The following DLL4 variants were observed in gnomAD, a reference collection of about 807,000 sequenced individuals.
DLL4 encodes delta like canonical Notch ligand 4, also known as delta-like protein 4.
DLL4 carries 7 observed loss-of-function variants against 73.6 expected under a neutral mutation model. That is an observed-to-expected ratio of 0.10 (90% CI 0.05 to 0.18). The LOEUF is 0.18. DLL4 is among the 10% of genes least tolerant of loss of function. DLL4 has a pLI of 1.00. For missense variants in DLL4, 614 were observed against 929.9 expected, an observed-to-expected ratio of 0.66 and a Z score of 4.42; for synonymous variants, 345 against 374.3, an observed-to-expected ratio of 0.92 and a Z score of 0.90.
intron 10 of DLL4, 34 bp from the exon 11 acceptor site, chr15:40,937,995 G>A (rs1204401355): frequency 1.9e-6 from 3 of 1,602,470 alleles, no homozygotes; most frequent in Non-Finnish European, 2.6e-6. Context: ...CATGCCCAGG[G>A]TAACCTGTTT....
At chr15:40,936,989 G>C (rs1193729245) in intron 9 of DLL4, 59 bp downstream of exon 9, 22 of 1,412,438 alleles carry the variant, frequency 1.6e-5, no homozygotes, top group Non-Finnish European at 2.1e-5. Flanking sequence ...TTCTGCCTAG[G>C]CTCCTCTTAG....
rs1003914586 is a variant in DLL4 at position 40,932,245 on chromosome 15, A to G, written c.719+14A>G. ...AGCAGAGTGCCTGTGAGTAGGGGACAGGAAGTGGTGAGTGGGAGCCCTCCC... is the reference window on the plus strand; with the variant it reads ...AGCAGAGTGCCTGTGAGTAGGGGACGGGAAGTGGTGAGTGGGAGCCCTCCC... On this transcript the variant is annotated intron_variant, in intron 5 of 10. Transcript: ENST00000249749. 7.4e-6 allele frequency: 12 copies of G among 1,613,920 alleles called. No individual in the cohort carries two copies. The highest frequency in any genetic ancestry group is 1.7e-5 in the Admixed American group (1 of 60,012).
chr15:40,933,796 T>C (rs1489140758), intron 6 of DLL4, among the ~76,000 whole-genome samples: 1 of 152,110 alleles, frequency 6.6e-6, no homozygotes, highest in African/African-American at 2.4e-5. Flanking sequence ...ACTGGTCATA[T>C]GTGATTCAAG....
At position 40,931,741 on chromosome 15, in the gene DLL4, T is replaced by C. The variant is rs749740925; in HGVS notation, c.633T>C (p.Gly211=). ...ATGGCAACTTGTCCTGCCTGCCCGG[T>C]TGGACTGGGGAATATTGCCAACAGC... is the stretch of plus-strand genomic sequence containing the variant. The part of the protein sequence containing the change: ...QPDGNLSCLP[G]WTGEYCQQPI... The change falls in exon 4 of 11, where the codon GGT becomes GGC. Residue 211 remains glycine (G), a synonymous_variant. Coordinates refer to ENST00000249749, the MANE Select transcript of DLL4 (RefSeq NM_019074.4). The C allele has an allele frequency of 4.3e-6, 7 of 1,613,714 alleles. No homozygotes were observed. Among genetic ancestry groups the C allele is most frequent in the Middle Eastern group, 1.6e-4 (1 of 6,062 alleles).
In DLL4 at chr15:40,931,763, C is replaced by G; in HGVS notation, c.655C>G (p.Gln219Glu). 6.2e-7 allele frequency: 1 copy of G among 1,613,460 alleles called. No homozygotes were observed. The highest frequency in any genetic ancestry group is 8.5e-7 in the Non-Finnish European group (1 of 1,179,840). ...CGGTTGGACTGGGGAATATTGCCAA[C>G]AGCGTAAGCAGTCAAGCTCCCACCT... Reference protein sequence around the residue: ...LPGWTGEYCQQPICLSGCHEQ... With the variant: ...LPGWTGEYCQEPICLSGCHEQ... The change falls in exon 4 of 11, where the codon CAG becomes GAG. Residue 219 changes from glutamine (Q) to glutamate (E), a missense_variant. This residue lies in a region of DLL4 where 227 missense variants were observed against 370.8 expected (regional missense o/e 0.61). Transcript: ENST00000249749.
intron 4 of DLL4, 52 bp downstream of exon 4, chr15:40,931,818 C>A (rs538590693): frequency 5.0e-6 from 8 of 1,598,844 alleles, no homozygotes; most frequent in Non-Finnish European, 6.8e-6. Flanking sequence ...CCTGAGGAAA[C>A]ACAGTGGAGC....
Position 40,936,371 on chromosome 15 carries a change from C to G in DLL4, c.1384C>G (p.Leu462Val), listed in dbSNP as rs768173236. 6.2e-7 allele frequency: 1 copy of G among 1,611,350 alleles called. No homozygotes were observed. The highest frequency in any genetic ancestry group is 1.3e-5 in the African/African-American group (1 of 74,916). Reference protein sequence around the residue: ...GGTCHDLENGLMCTCPAGFSG... With the variant: ...GGTCHDLENGVMCTCPAGFSG... ...CACTTGCCATGACCTGGAGAATGGGCTCATGTGCACCTGCCCTGCCGGCTT... is the reference window on the plus strand; with the variant it reads ...CACTTGCCATGACCTGGAGAATGGGGTCATGTGCACCTGCCCTGCCGGCTT... The change falls in exon 9 of 11, where the codon CTC (leucine) becomes GTC (valine). Residue 462 changes from leucine (L) to valine (V), a missense_variant. By Grantham distance (32) the Leu-to-Val change is conservative. Coordinates refer to ENST00000249749, the MANE Select transcript of DLL4 (RefSeq NM_019074.4).
chr15:40,933,786 A>C (rs1892803750), intron 6 of DLL4, among the ~76,000 whole-genome samples: 1 of 152,124 alleles, frequency 6.6e-6, no homozygotes, highest in Non-Finnish European at 1.5e-5. Context: ...GGTTGACTGC[A>C]CTGGTCATAT....
In DLL4 at chr15:40,930,622, C is replaced by T; in HGVS notation, c.337-3C>T. 6.2e-7 allele frequency: 1 copy of T among 1,613,816 alleles called. No homozygotes were observed. The highest frequency in any genetic ancestry group is 8.5e-7 in the Non-Finnish European group (1 of 1,179,866). On this transcript the variant is annotated splice_region_variant and splice_polypyrimidine_tract_variant and intron_variant, in intron 2 of 10. Coordinates refer to ENST00000249749, the MANE Select transcript of DLL4 (RefSeq NM_019074.4). This position sits in a 1 kb window ranked among gnomAD's most constrained non-coding sequence, Gnocchi z 5.7. ...CTCTCCGTCCCCCCACCCCCTTTCC[C>T]AGGGTACCTTCTCGCTCATCATCGA...
chr15:40,931,844 T>A, intron 4 of DLL4, 78 bp downstream of exon 4: 1 of 1,557,694 alleles, frequency 6.4e-7, no homozygotes, highest in South Asian at 1.2e-5. Flanking sequence ...GGTCACAGCT[T>A]GCCTCCCTTG....
At chr15:40,935,171 C>T in intron 8 of DLL4, 54 bp downstream of exon 8, 1 of 1,533,748 alleles carries the variant, frequency 6.5e-7, no homozygotes, top group Non-Finnish European at 8.8e-7. Context: ...CTGAGAGAGA[C>T]TTCTGGTGAG....
chr15:40,930,818 G>T lies in DLL4; in HGVS notation c.394+136G>T. On this transcript the variant is annotated intron_variant, in intron 3 of 10. Coordinates refer to ENST00000249749, the MANE Select transcript of DLL4 (RefSeq NM_019074.4). This position sits in a 1 kb window ranked among gnomAD's most constrained non-coding sequence, Gnocchi z 5.7. ...AGCTTGGCCTGGAGCTGCGCCCCGC[G>T]CTGGACGCTCGGATTCCGCTCGCTG... is the stretch of plus-strand genomic sequence containing the variant. The T allele has an allele frequency of 1.1e-6, 1 of 874,594 alleles. No homozygotes were observed. Among genetic ancestry groups the T allele is most frequent in the South Asian group, 1.6e-5 (1 of 61,256 alleles). 54.2% of individuals were successfully genotyped at this position (874,594 alleles called of 1,614,324 possible).
Position 40,929,466 on chromosome 15 carries a change from C to A in DLL4, c.-203C>A. The stretch of plus-strand genomic sequence containing the variant: ...GATTAGACAGAAGACGCGTCCTCGG[C>A]GCGGTCGCCGCCCAGCCGTAGTCAC... On this transcript the variant is annotated 5_prime_UTR_variant, in exon 1 of 11. Transcript: ENST00000249749. This position sits in a 1 kb window ranked among gnomAD's most constrained non-coding sequence, Gnocchi z 7.1. 1.8e-6 allele frequency: 1 copy of A among 557,452 alleles called. No individual in the cohort carries two copies. Among genetic ancestry groups the A allele is most frequent in the Non-Finnish European group, 3.1e-6 (1 of 324,262 alleles). 34.5% of individuals were successfully genotyped at this position (557,452 alleles called of 1,614,324 possible).
rs1299351778 is a variant in DLL4 at position 40,934,913 on chromosome 15, T to C, written c.1036T>C (p.Tyr346His). ...CTCTCTCCAGGACCAGGAGGATGGC[T>C]ACCACTGCCTGTGTCCTCCGGGCTA... ...GGSCKDQEDGYHCLCPPGYYG... is the reference protein window; with the variant it reads ...GGSCKDQEDGHHCLCPPGYYG... Residue 346 changes from tyrosine to histidine, a missense_variant, in exon 8 of 11, where the codon TAC becomes CAC. Tyr to His is a moderately conservative substitution (Grantham distance 83, BLOSUM62 2). Transcript: ENST00000249749. The C allele has an allele frequency of 6.2e-7, 1 of 1,613,624 alleles. No homozygotes were observed.
chr15:40,931,895 T>G, intron 4 of DLL4, 129 bp downstream of exon 4: 5 of 1,251,068 alleles, frequency 4.0e-6, no homozygotes, highest in African/African-American at 1.5e-5. Flanking sequence ...GCCTCAGGGA[T>G]GCTGAGGGTG....
rs548490577 is a variant in DLL4 at position 40,938,063 on chromosome 15, C to T, written c.*29C>T. 71 of 1,540,626 alleles carry T rather than the reference C, an allele frequency of 4.6e-5. No homozygotes were observed. The highest frequency in any genetic ancestry group is 5.9e-5 in the Non-Finnish European group (68 of 1,146,334). On this transcript the variant is annotated 3_prime_UTR_variant, in exon 11 of 11. Transcript: ENST00000249749. ...AGGAGCCTACCTGGACATCCCTGCT[C>T]AGCCCCGCGGCTGGACCTTCCTTCT...
In DLL4 at chr15:40,934,903, G is replaced by A; in HGVS notation, c.1026G>A (p.Gln342=). The A allele has an allele frequency of 1.9e-6, 3 of 1,613,548 alleles. No individual in the cohort carries two copies. Among genetic ancestry groups the A allele is most frequent in the Non-Finnish European group, 2.5e-6 (3 of 1,179,824 alleles). ...CCTTTATGGTCTCTCTCCAGGACCA[G>A]GAGGATGGCTACCACTGCCTGTGTC... The part of the protein sequence containing the change: ...PCRNGGSCKD[Q]EDGYHCLCPP... Residue 342 remains glutamine (Q), a synonymous_variant, in exon 8 of 11, where the codon CAG becomes CAA. Transcript: ENST00000249749.
At chr15:40,931,789 G>T in intron 4 of DLL4, 23 bp downstream of exon 4, 2 of 1,611,866 alleles carry the variant, frequency 1.2e-6, no homozygotes, top group Non-Finnish European at 1.7e-6. Flanking sequence ...GCTCCCACCT[G>T]TGTGGAAGGG....
Position 40,930,431 on chromosome 15 carries a change from C to CA in DLL4, c.337-194_337-193insA. 1.5e-6 allele frequency: 1 copy of CA among 654,284 alleles called. No individual in the cohort carries two copies. The highest frequency in any genetic ancestry group is 1.9e-5 in the South Asian group (1 of 53,870). The allele number at this position is 654,284 out of a possible 1,614,324, so 40.5% of individuals were successfully genotyped here. ...TCCCTTACACTCTCCCGTCTCTCAA[C>CA]CCTCCCTCTACCGGGGGTTCTCCTC... On this transcript the variant is annotated intron_variant, in intron 2 of 10. Transcript: ENST00000249749. The surrounding 1 kb of genome is among the most constrained non-coding windows in gnomAD (Gnocchi z 5.7).
Sources: allele counts gnomAD v4.1 joint callset (sites outside exome capture counted in the v4.1 genomes callset), GRCh38; gene constraint gnomAD v4.1.1; regional missense constraint gnomAD v4.1.1; non-coding constraint Gnocchi (gnomAD v3.1); transcripts MANE v1.5; gene names NCBI Gene and HGNC (gene_info 2026-07-23, HGNC 2026-07-21).